The following VPS13A variants were observed in gnomAD, a reference collection of about 807,000 sequenced individuals.
The protein encoded by VPS13A is intermembrane lipid transfer protein VPS13A.
Under a neutral mutation model 390.9 loss-of-function variants are expected in VPS13A, and 264 were observed. The ratio of observed to expected loss-of-function variants is 0.68; its 90% CI spans 0.61 to 0.75. VPS13A has a LOEUF of 0.75. Among genes scored for constraint, VPS13A ranks in the 30% least tolerant of loss-of-function variants. VPS13A has a pLI of 0.00. For missense variants in VPS13A, 3,409 were observed against 3,733.9 expected (o/e 0.91, Z 2.27); for synonymous variants, 1,231 against 1,227.1 (o/e 1.00, Z -0.07).
intron 1 of VPS13A, among the ~76,000 whole-genome samples, chr9:77,191,188 CT>C (rs1169817770): frequency 2.6e-5 from 4 of 152,002 alleles, no homozygotes; most frequent in African/African-American, 4.8e-5. Flanking sequence ...GCACTATAAA[CT>C]TTCCTCTTAA....
At chr9:77,227,596 G>A in intron 16 of VPS13A, 111 bp downstream of exon 16, 3 of 844,614 alleles carry the variant, frequency 3.6e-6, no homozygotes, top group East Asian at 2.7e-5. Flanking sequence ...GATCTCTGCT[G>A]CCAGCCTTAA....
At chr9:77,324,575 C>T (rs1156826235) in intron 45 of VPS13A, among the ~76,000 whole-genome samples, 1 of 152,150 alleles carries the variant, frequency 6.6e-6, no homozygotes, top group Non-Finnish European at 1.5e-5. Flanking sequence ...ACCTTGCATT[C>T]CTAGGATTAA....
intron 59 of VPS13A, among the ~76,000 whole-genome samples, chr9:77,364,922 A>C (rs1832352803): frequency 6.6e-6 from 1 of 152,190 alleles, no homozygotes; most frequent in Non-Finnish European, 1.5e-5. Context: ...GAATATGTTA[A>C]AATGTGAATC....
chr9:77,351,269 TTCG>T, intron 52 of VPS13A, 45 bp from the exon 53 acceptor site: 1 of 1,605,316 alleles, frequency 6.2e-7, no homozygotes, highest in South Asian at 1.1e-5. Context: ...TTTTAATCTC[TTCG>T]TGTACTTGCA....
intron 20 of VPS13A, among the ~76,000 whole-genome samples, chr9:77,248,521 T>G (rs995966018): frequency 4.0e-4 from 61 of 152,068 alleles, no homozygotes; most frequent in Non-Finnish European, 3.8e-4. Context: ...CCTGACCCTT[T>G]TTTTCTAATT....
In VPS13A at chr9:77,359,333, C is replaced by T; in HGVS notation, c.8036C>T (p.Ala2679Val). Residue 2679 changes from alanine (A) to valine (V), a missense_variant and splice_region_variant, in exon 58 of 72, where the codon GCA becomes GTA. By Grantham distance (64) the Ala-to-Val change is moderately conservative. Coordinates refer to ENST00000360280, the MANE Select transcript of VPS13A (RefSeq NM_033305.3). ...GTAATTATATTTATAACCTTTACAG[C>T]ACCAAAGCCCTTTACAGATGTCAGT... ...KPPKSVTMDSAPKPFTDVSIV... is the reference protein window; with the variant it reads ...KPPKSVTMDSVPKPFTDVSIV... The T allele has an allele frequency of 6.2e-7, 1 of 1,613,206 alleles. No individual in the cohort carries two copies.
chr9:77,215,386 T>G (rs759853522), intron 10 of VPS13A, among the ~76,000 whole-genome samples: 7 of 152,216 alleles, frequency 4.6e-5, no homozygotes, highest in Non-Finnish European at 8.8e-5. Flanking sequence ...TTGGTTTGAA[T>G]TTAGTTTCAT....
intron 8 of VPS13A, 21 bp from the exon 9 acceptor site, chr9:77,213,213 T>A: frequency 6.2e-7 from 1 of 1,605,502 alleles, no homozygotes. Flanking sequence ...AAATGAGACA[T>A]CTAATAAATT....
intron 68 of VPS13A, among the ~76,000 whole-genome samples, chr9:77,394,853 C>A (rs1173439760): frequency 6.6e-6 from 1 of 152,176 alleles, no homozygotes; most frequent in Admixed American, 6.5e-5. Flanking sequence ...GCTAGCTTCA[C>A]CTTTTCTTCT....
chr9:77,382,863 A>G (rs1833513550), intron 68 of VPS13A: 2 of 985,384 alleles, frequency 2.0e-6, no homozygotes, highest in East Asian at 1.1e-4. Context: ...TGCTTAGACA[A>G]CTTTCTTACT....
intron 31 of VPS13A, among the ~76,000 whole-genome samples, chr9:77,289,330 CTAAT>C (rs574077330): frequency 1.6e-3 from 236 of 152,228 alleles, no homozygotes; most frequent in Middle Eastern, 3.4e-3. Flanking sequence ...TTTTATAAAA[CTAAT>C]TATTGATATG....
intron 1 of VPS13A, among the ~76,000 whole-genome samples, chr9:77,183,481 T>A (rs1824147104): frequency 6.6e-6 from 1 of 152,210 alleles, no homozygotes; most frequent in Non-Finnish European, 1.5e-5. Flanking sequence ...ATTGTACAGT[T>A]TGTATTCTTT....
intron 9 of VPS13A, 138 bp from the exon 10 acceptor site, chr9:77,214,191 G>T (rs140670502): frequency 1.6e-5 from 11 of 702,844 alleles, no homozygotes; most frequent in African/African-American, 8.9e-5. Flanking sequence ...CAGGAGAATC[G>T]CATGAGTCCA....
At chr9:77,277,760 T>TTTTTTTTTTTTTTTTTTTTTG (rs1826771285) in intron 26 of VPS13A, among the ~76,000 whole-genome samples, 1 of 152,220 alleles carries the variant, frequency 6.6e-6, no homozygotes, top group African/African-American at 2.4e-5. Flanking sequence ...ATTTCTTTTT[T>TTTTTTTTTTTTTTTTTTTTTG]AGCAATGAAT....
At position 77,365,587 on chromosome 9, in the gene VPS13A, AT is replaced by A; in HGVS notation, c.8325+19del. ...TCTCCTATCAAGGTAGGAGAAAGTCATTTTTATTGTCCTTGATAATCTAGGT... is the reference window on the plus strand; with the variant it reads ...TCTCCTATCAAGGTAGGAGAAAGTCATTTTATTGTCCTTGATAATCTAGGT... On this transcript the variant is annotated intron_variant, in intron 60 of 71. Transcript: ENST00000360280. 6.6e-7 allele frequency: 1 copy of A among 1,507,182 alleles called. No homozygotes were observed. The highest frequency in any genetic ancestry group is 1.1e-5 in the South Asian group (1 of 88,648). 93.4% of individuals were successfully genotyped at this position (1,507,182 alleles called of 1,614,324 possible). A position where few individuals can be genotyped will look rare whatever the true frequency, so the allele number is the denominator to read the frequency against.
At chr9:77,398,925 C>G (rs1455515565) in intron 68 of VPS13A, among the ~76,000 whole-genome samples, 8 of 145,384 alleles carry the variant, frequency 5.5e-5, no homozygotes, top group Admixed American at 7.0e-5. Context: ...GAACAAAAAA[C>G]CAAACACCAC....
intron 17 of VPS13A, among the ~76,000 whole-genome samples, chr9:77,232,427 A>T (rs185387139): frequency 6.6e-6 from 1 of 152,172 alleles, no homozygotes; most frequent in Non-Finnish European, 1.5e-5. Flanking sequence ...TGCTAAATAG[A>T]TGCTTTTTCT....
intron 24 of VPS13A, among the ~76,000 whole-genome samples, 167 bp from the exon 25 acceptor site, chr9:77,275,331 A>G (rs943099853): frequency 6.6e-6 from 1 of 152,166 alleles, no homozygotes; most frequent in African/African-American, 2.4e-5. Flanking sequence ...GGACAATAAA[A>G]AAGTACAGTA....
At chr9:77,281,813 G>T in intron 27 of VPS13A, 54 bp from the exon 28 acceptor site, 1 of 1,119,884 alleles carries the variant, frequency 8.9e-7, no homozygotes, top group Non-Finnish European at 1.4e-6. Context: ...TAATGTGATT[G>T]TATATGTATG....
Sources: allele counts gnomAD v4.1 joint callset (sites outside exome capture counted in the v4.1 genomes callset), GRCh38; gene constraint gnomAD v4.1.1; transcripts MANE v1.5; gene names NCBI Gene and HGNC (gene_info 2026-07-23, HGNC 2026-07-21).